DNAAF9: variants seen among roughly 807,000 people sequenced by gnomAD.
The protein encoded by DNAAF9 is shulin.
Under a neutral mutation model 167.0 loss-of-function variants are expected in DNAAF9, and 90 were observed. The observed-to-expected ratio is 0.54, with a 90% CI of 0.45 to 0.64. DNAAF9 has a LOEUF of 0.64. DNAAF9 is among the 30% of genes least tolerant of loss of function. DNAAF9 has a pLI of 0.00. For missense variants in DNAAF9, 1,315 were observed against 1,442.2 expected (o/e 0.91, Z 1.43); for synonymous variants, 491 against 508.8 (o/e 0.96, Z 0.47).
intron 23 of DNAAF9, among the ~76,000 whole-genome samples, chr20:3,295,156 ACCGCACCCAGCTCC>A (rs2122939405): frequency 6.7e-6 from 1 of 148,812 alleles, no homozygotes; most frequent in East Asian, 2.0e-4. Flanking sequence ...GGCATGAGCC[ACCGCACCCAGCTCC>A]CACTTTTTTT....
chr20:3,382,483 T>C lies in DNAAF9; in HGVS notation c.107A>G (p.Gln36Arg). 1.2e-6 allele frequency: 2 copies of C among 1,613,926 alleles called. No homozygotes were observed. Among genetic ancestry groups the C allele is most frequent in the Non-Finnish European group, 8.5e-7 (1 of 1,179,820 alleles). The stretch of plus-strand genomic sequence containing the variant: ...CTTGCTGCTCTGGGTCAGGATGCTC[T>C]GAACCTGCCGAAGTCGACTGCAGCT... ...SVSCSRLRQV[Q>R]SILTQSSKSR... Residue 36 changes from glutamine (Q) to arginine (R), a missense_variant, in exon 2 of 37, where the codon CAG becomes CGG. Around this residue, in one of 2 missense-constraint regions of DNAAF9, gnomAD observed 981 missense variants for 1,012.5 expected, o/e 0.97. Coordinates refer to ENST00000252032, the MANE Select transcript of DNAAF9 (RefSeq NM_001009984.3).
chr20:3,260,602 G>A (rs1187109521), intron 31 of DNAAF9, among the ~76,000 whole-genome samples: 1 of 151,800 alleles, frequency 6.6e-6, no homozygotes, highest in Non-Finnish European at 1.5e-5. Context: ...GGTACGGTGG[G>A]GGGCTCTTGC....
At chr20:3,318,530 C>T in intron 16 of DNAAF9, 130 bp from the exon 17 acceptor site, 1 of 574,930 alleles carries the variant, frequency 1.7e-6, no homozygotes, top group Non-Finnish European at 3.2e-6. Flanking sequence ...CTAGGGAAAA[C>T]TGGAGTTATC....
At chr20:3,385,968 T>C (rs933929751) in intron 1 of DNAAF9, among the ~76,000 whole-genome samples, 5 of 152,158 alleles carry the variant, frequency 3.3e-5, no homozygotes, top group Non-Finnish European at 5.9e-5. Context: ...ATCCAGTATT[T>C]TTTATAGATG....
intron 1 of DNAAF9, among the ~76,000 whole-genome samples, chr20:3,393,105 T>C (rs1250637488): frequency 6.6e-6 from 1 of 152,218 alleles, no homozygotes; most frequent in Non-Finnish European, 1.5e-5. Flanking sequence ...CCAAATCTCA[T>C]TTTTAAAACT....
chr20:3,384,275 G>T (rs2083702971), intron 1 of DNAAF9: 1 of 152,160 alleles, frequency 6.6e-6, no homozygotes, highest in Non-Finnish European at 1.5e-5. Flanking sequence ...TATTAGAGAG[G>T]TCTCTCTGAA....
intron 1 of DNAAF9, 40 bp from the exon 2 acceptor site, chr20:3,382,546 C>G: frequency 6.6e-7 from 1 of 1,523,370 alleles, no homozygotes; most frequent in Non-Finnish European, 9.1e-7. Flanking sequence ...AGTGCCAGGA[C>G]AGCCCCATGA....
intron 20 of DNAAF9, among the ~76,000 whole-genome samples, chr20:3,309,716 G>A (rs1005698680): frequency 2.0e-5 from 3 of 151,964 alleles, no homozygotes; most frequent in Non-Finnish European, 4.4e-5. Context: ...TAATTCAACA[G>A]AAAAGTCTCA....
At chr20:3,335,559 C>A (rs1490401355) in intron 10 of DNAAF9, among the ~76,000 whole-genome samples, 3 of 151,952 alleles carry the variant, frequency 2.0e-5, no homozygotes, top group Non-Finnish European at 2.9e-5. Flanking sequence ...GAGTTCGAGA[C>A]CAGCCTGGCC....
At chr20:3,407,450 C>T in intron 1 of DNAAF9, 25 bp downstream of exon 1, 1 of 1,298,464 alleles carries the variant, frequency 7.7e-7, no homozygotes, top group Non-Finnish European at 9.7e-7. Flanking sequence ...CCCGGCCGCC[C>T]CTCGGCTGCC....
At chr20:3,348,267 C>T (rs943535825) in intron 8 of DNAAF9, among the ~76,000 whole-genome samples, 1 of 152,126 alleles carries the variant, frequency 6.6e-6, no homozygotes, top group East Asian at 1.9e-4. Context: ...CGTCTATTAA[C>T]TGGTGCCCAG....
chr20:3,328,188 T>TTTTTTTTTTTGTTTG (rs1555792497), intron 12 of DNAAF9, among the ~76,000 whole-genome samples: 3 of 138,776 alleles, frequency 2.2e-5, no homozygotes, highest in African/African-American at 8.7e-5. Context: ...GCTCTGTTTT[T>TTTTTTTTTTTGTTTG]TTTTTTTTTT....
At chr20:3,322,563 T>A in intron 15 of DNAAF9, 89 bp downstream of exon 15, 2 of 1,039,146 alleles carry the variant, frequency 1.9e-6, no homozygotes, top group East Asian at 2.4e-5. Context: ...TGTGGAAGCA[T>A]GAGAAAACCA....
chr20:3,381,558 T>C (rs1790318304), intron 2 of DNAAF9, 60 bp from the exon 3 acceptor site: 30 of 1,552,408 alleles, frequency 1.9e-5, no homozygotes, highest in Non-Finnish European at 2.3e-5. Flanking sequence ...AATGAGCCAA[T>C]AATTTGCCCC....
intron 9 of DNAAF9, among the ~76,000 whole-genome samples, chr20:3,343,092 C>T (rs182406833): frequency 1.3e-5 from 2 of 152,276 alleles, no homozygotes; most frequent in Admixed American, 1.3e-4. Context: ...TTTTCATTTG[C>T]TTCCTGTCAT....
chr20:3,338,595 T>C (rs373707016), intron 10 of DNAAF9, among the ~76,000 whole-genome samples: 1 of 152,134 alleles, frequency 6.6e-6, no homozygotes, highest in East Asian at 1.9e-4. Context: ...TCTTCAGGTA[T>C]TCCCAGTACA....
chr20:3,328,187 T>TG (rs2069748448), intron 12 of DNAAF9, among the ~76,000 whole-genome samples: 1 of 148,238 alleles, frequency 6.7e-6, no homozygotes, highest in African/African-American at 2.5e-5. Flanking sequence ...GGCTCTGTTT[T>TG]TTTTTTTTTT....
intron 6 of DNAAF9, among the ~76,000 whole-genome samples, chr20:3,367,873 G>A (rs551580857): frequency 3.3e-5 from 5 of 150,840 alleles, no homozygotes; most frequent in Admixed American, 6.6e-5. Context: ...GGAGCCAACA[G>A]GCTTGCTGGA....
rs546057370 is a variant in DNAAF9, at chr20:3,400,291, T to C, written c.83+7184A>G. On this transcript the variant is annotated intron_variant, in intron 1 of 36. Transcript: ENST00000252032. ...GTTGGATCCTGGAACAGAAAAAGAATGTGTGGAGAAACCGAGAAAATTCAA... is the reference window on the plus strand; with the variant it reads ...GTTGGATCCTGGAACAGAAAAAGAACGTGTGGAGAAACCGAGAAAATTCAA... Among the ~76,000 whole-genome samples, 3 of 152,278 alleles carry C rather than the reference T, an allele frequency of 2.0e-5. No individual in the cohort carries two copies. The South Asian group carries it at 6.2e-4, about 32-fold the overall frequency.
Sources: gnomAD v4.1 joint callset for allele counts (sites outside exome capture counted in the v4.1 genomes callset) on GRCh38, gnomAD v4.1.1 for gene constraint, gnomAD v4.1.1 regional missense constraint, MANE v1.5 for transcripts, NCBI Gene and HGNC (gene_info 2026-07-23, HGNC 2026-07-21) for gene names.